AKAP19: variants seen among roughly 807,000 people sequenced by gnomAD.
The protein encoded by AKAP19 is A-kinase anchoring protein 19, also known as small A-kinase anchoring protein.
At chr2:190,093,395 T>G in the AKAP19 span, among the ~76,000 whole-genome samples, 41 of 151,968 alleles carry the variant, frequency 2.7e-4, no homozygotes, top group East Asian at 2.5e-3. Flanking sequence ...ATTGTGCCAC[T>G]GCACTCCAGC....
At chr2:189,948,785 TGTCATA>T in the AKAP19 span, among the ~76,000 whole-genome samples, 1 of 152,246 alleles carries the variant, frequency 6.6e-6, no homozygotes, top group Non-Finnish European at 1.5e-5. Context: ...ACTTTTTTCC[TGTCATA>T]CAAATTTTCA....
At chr2:190,005,240 C>G in the AKAP19 span, among the ~76,000 whole-genome samples, 1 of 152,176 alleles carries the variant, frequency 6.6e-6, no homozygotes, top group Non-Finnish European at 1.5e-5. Flanking sequence ...ACCAGGTTGC[C>G]GCAGCTGGCT....
chr2:190,164,990 C>T, the AKAP19 span, among the ~76,000 whole-genome samples: 182 of 152,270 alleles, frequency 1.2e-3, no homozygotes, highest in Middle Eastern at 6.8e-3. Flanking sequence ...TATGTATTAG[C>T]TTTAGGTGAT....
the AKAP19 span, among the ~76,000 whole-genome samples, chr2:190,018,815 C>A: frequency 6.6e-6 from 1 of 152,144 alleles, no homozygotes; most frequent in Non-Finnish European, 1.5e-5. Context: ...TTTCATGTAG[C>A]CTGTGATTCT....
the AKAP19 span, among the ~76,000 whole-genome samples, chr2:189,927,451 T>C: frequency 6.6e-6 from 1 of 152,328 alleles, no homozygotes; most frequent in African/African-American, 2.4e-5. Context: ...GTGAGAATAA[T>C]ATTGATTTTA....
At chr2:189,896,580 A>C in the AKAP19 span, among the ~76,000 whole-genome samples, 3 of 152,150 alleles carry the variant, frequency 2.0e-5, no homozygotes, top group African/African-American at 7.2e-5. Flanking sequence ...TTAAAGGAAA[A>C]GGAATCAGAT....
the AKAP19 span, among the ~76,000 whole-genome samples, chr2:189,972,989 G>A: frequency 2.0e-5 from 3 of 152,142 alleles, no homozygotes; most frequent in Admixed American, 2.0e-4. Flanking sequence ...TCTCTTGCCT[G>A]ATTGCCCTGG....
At chr2:190,021,345 T>C in the AKAP19 span, among the ~76,000 whole-genome samples, 2 of 152,250 alleles carry the variant, frequency 1.3e-5, no homozygotes, top group Non-Finnish European at 2.9e-5. Context: ...TTATTTACAA[T>C]AGAATTTTAT....
At chr2:190,080,938 C>T in the AKAP19 span, among the ~76,000 whole-genome samples, 1 of 152,114 alleles carries the variant, frequency 6.6e-6, no homozygotes, top group Non-Finnish European at 1.5e-5. Flanking sequence ...GCCTGGCTTC[C>T]CCCTGTGTTC....
the AKAP19 span, among the ~76,000 whole-genome samples, chr2:189,880,106 A>C: frequency 6.6e-6 from 1 of 152,288 alleles, no homozygotes; most frequent in African/African-American, 2.4e-5. Flanking sequence ...TTTGTGGCTC[A>C]GTTTGTAGGA....
the AKAP19 span, among the ~76,000 whole-genome samples, chr2:189,975,388 A>T: frequency 6.6e-6 from 1 of 152,134 alleles, no homozygotes; most frequent in African/African-American, 2.4e-5. Flanking sequence ...GGGTAACCCG[A>T]CCTTTCTCTC....
the AKAP19 span, among the ~76,000 whole-genome samples, chr2:190,132,936 G>A: frequency 6.6e-6 from 1 of 151,972 alleles, no homozygotes; most frequent in Non-Finnish European, 1.5e-5. Flanking sequence ...CAATTCAATA[G>A]CAAGAAAGCA....
At chr2:189,896,008 CAA>C in the AKAP19 span, among the ~76,000 whole-genome samples, 1,004 of 117,972 alleles carry the variant, frequency 8.5e-3, 9 homozygotes, top group African/African-American at 0.024. Context: ...GACCCTGTCT[CAA>C]AAAAAAAAAA....
At chr2:189,897,002 C>G in the AKAP19 span, among the ~76,000 whole-genome samples, 1 of 152,028 alleles carries the variant, frequency 6.6e-6, no homozygotes, top group Non-Finnish European at 1.5e-5. Context: ...AGCTTCAGAA[C>G]TGAATTCCAG....
At chr2:190,130,227 A>G in the AKAP19 span, among the ~76,000 whole-genome samples, 3 of 152,156 alleles carry the variant, frequency 2.0e-5, no homozygotes, top group Non-Finnish European at 4.4e-5. Context: ...TTTCTCAAAG[A>G]AGGAGTATAA....
chr2:190,067,150 G>A, the AKAP19 span, among the ~76,000 whole-genome samples: 1 of 152,074 alleles, frequency 6.6e-6, no homozygotes, highest in East Asian at 1.9e-4. Flanking sequence ...ATTGTCATGT[G>A]CAGGCATATT....
the AKAP19 span, among the ~76,000 whole-genome samples, chr2:190,190,224 G>A: frequency 6.6e-6 from 1 of 152,118 alleles, no homozygotes; most frequent in Non-Finnish European, 1.5e-5. Flanking sequence ...CTTCCAAACA[G>A]TCCTTACTTC....
At chr2:190,168,850 C>T in the AKAP19 span, among the ~76,000 whole-genome samples, 1 of 152,190 alleles carries the variant, frequency 6.6e-6, no homozygotes, top group Non-Finnish European at 1.5e-5. Context: ...GGGTCCAAGC[C>T]ATTCAACAAG....
the AKAP19 span, among the ~76,000 whole-genome samples, chr2:190,083,636 C>T: frequency 6.6e-6 from 1 of 152,292 alleles, no homozygotes; most frequent in Non-Finnish European, 1.5e-5. Context: ...ATTAGCTATA[C>T]ATTGTTGAAC....
Sources: allele counts gnomAD v4.1 joint callset (sites outside exome capture counted in the v4.1 genomes callset), GRCh38; gene constraint gnomAD v4.1.1; transcripts MANE v1.5; gene names NCBI Gene and HGNC (gene_info 2026-07-23, HGNC 2026-07-21).